Variants in SFMBT1 observed in about 807,000 individuals in gnomAD.
SFMBT1 encodes the protein scm-like with four MBT domains protein 1.
Under a neutral mutation model 108.7 loss-of-function variants are expected in SFMBT1, and 32 were observed. The ratio of observed to expected loss-of-function variants is 0.29; its 90% CI spans 0.22 to 0.40. The LOEUF (loss-of-function observed/expected upper bound fraction) is 0.40. SFMBT1 is among the 10% of genes least tolerant of loss of function. The pLI is 1.00. For synonymous variants in SFMBT1, 348 were observed against 369.5 expected (o/e 0.94, Z 0.67); for missense variants, 816 against 1,059.6 (o/e 0.77, Z 3.19).
chr3:53,012,923 C>A (rs1254502858), intron 1 of SFMBT1, among the ~76,000 whole-genome samples: 43 of 151,576 alleles, frequency 2.8e-4, no homozygotes, highest in Non-Finnish European at 1.5e-5. Flanking sequence ...GCATATTTCA[C>A]CTGCTTTATA....
intron 4 of SFMBT1, among the ~76,000 whole-genome samples, chr3:52,939,948 T>C (rs910527065): frequency 7.0e-4 from 107 of 152,226 alleles, no homozygotes; most frequent in African/African-American, 2.5e-3. Flanking sequence ...TTATTTATAA[T>C]TTTTTTCACT....
chr3:52,920,641 T>A lies in SFMBT1; in HGVS notation c.1268A>T (p.Lys423Met). The A allele has an allele frequency of 6.2e-7, 1 of 1,600,818 alleles. No homozygotes were observed. Among genetic ancestry groups the A allele is most frequent in the Non-Finnish European group, 8.5e-7 (1 of 1,170,106 alleles). Residue 423 changes from lysine (K) to methionine (M), a missense_variant, in exon 12 of 21, where the codon AAG (lysine) becomes ATG (methionine). Lys to Met is a moderately conservative substitution (Grantham distance 95). Around this residue, in one of 5 missense-constraint regions of SFMBT1, gnomAD observed 495 missense variants for 607.4 expected, o/e 0.81. Coordinates refer to ENST00000394752, the MANE Select transcript of SFMBT1 (RefSeq NM_016329.4). ...ACTCACAATACATTCAGGTATAGGC[T>A]TCTTAGAACCTGTTTAGATTTAAAC... ...YLWLQLEGSKKPIPECIVSVE... is the reference protein window; with the variant it reads ...YLWLQLEGSKMPIPECIVSVE...
At chr3:53,015,234 T>C (rs545748562) in intron 1 of SFMBT1, among the ~76,000 whole-genome samples, 1 of 151,742 alleles carries the variant, frequency 6.6e-6, no homozygotes, top group East Asian at 1.9e-4. Flanking sequence ...AAAAAATCAT[T>C]GTATTTTAAT....
chr3:52,916,474 C>T (rs1702360158), intron 13 of SFMBT1, among the ~76,000 whole-genome samples: 1 of 151,166 alleles, frequency 6.6e-6, no homozygotes, highest in Non-Finnish European at 1.5e-5. Context: ...TTGAGACCAT[C>T]CTGGCTAACA....
chr3:52,941,349 T>C (rs1472374530), intron 4 of SFMBT1, among the ~76,000 whole-genome samples: 1 of 152,078 alleles, frequency 6.6e-6, no homozygotes, highest in Non-Finnish European at 1.5e-5. Context: ...ATCCCAGCAC[T>C]TTGGGAGGCA....
chr3:52,910,757 G>C (rs1232394103), intron 17 of SFMBT1, among the ~76,000 whole-genome samples: 1 of 152,144 alleles, frequency 6.6e-6, no homozygotes, highest in Non-Finnish European at 1.5e-5. Context: ...CCAAAGTGCT[G>C]GGATTACAGG....
intron 10 of SFMBT1, 22 bp downstream of exon 10, chr3:52,926,009 A>G (rs774276723): frequency 1.4e-5 from 23 of 1,600,230 alleles, no homozygotes; most frequent in Non-Finnish European, 1.9e-5. Flanking sequence ...CATAGTGGCC[A>G]TGAGGCCGTG....
intron 1 of SFMBT1, among the ~76,000 whole-genome samples, chr3:52,976,987 A>C (rs1187548029): frequency 6.6e-6 from 1 of 152,230 alleles, no homozygotes; most frequent in Non-Finnish European, 1.5e-5. Flanking sequence ...TAGCCCTTTT[A>C]GACAGAAATT....
intron 4 of SFMBT1, among the ~76,000 whole-genome samples, chr3:52,940,976 G>A (rs1436426638): frequency 6.6e-6 from 1 of 152,142 alleles, no homozygotes; most frequent in East Asian, 1.9e-4. Flanking sequence ...CCCAAATTGT[G>A]GGAAATCTGA....
chr3:52,986,919 G>C (rs1267316949), intron 1 of SFMBT1, among the ~76,000 whole-genome samples: 1 of 152,070 alleles, frequency 6.6e-6, no homozygotes, highest in African/African-American at 2.4e-5. Flanking sequence ...CAGTCTGGGC[G>C]AAAGAGTGAG....
rs781234500 is a variant in SFMBT1, at chr3:52,916,185, C to A, written c.1445G>T (p.Gly482Val). 3.2e-5 allele frequency: 51 copies of A among 1,613,892 alleles called. No individual in the cohort carries two copies. The highest frequency in any genetic ancestry group is 4.3e-5 in the Non-Finnish European group (51 of 1,179,998). The change falls in exon 14 of 21, where the codon GGC becomes GTC. Residue 482 changes from glycine (G) to valine (V), a missense_variant. Physicochemically the swap from Gly to Val is moderately radical, Grantham distance 109 (BLOSUM62 -3). Coordinates refer to ENST00000394752, the MANE Select transcript of SFMBT1 (RefSeq NM_016329.4). ...GGAGTTCAGCTCCTGATTCCTCAGGCCCTCGTGGACAGTCCTCGAGGATGG... is the reference window on the plus strand; with the variant it reads ...GGAGTTCAGCTCCTGATTCCTCAGGACCTCGTGGACAGTCCTCGAGGATGG... The part of the protein sequence containing the change: ...QVPSSRTVHE[G>V]LRNQELNSTE...
At chr3:52,962,314 T>G (rs1345255893) in intron 2 of SFMBT1, among the ~76,000 whole-genome samples, 2 of 152,216 alleles carry the variant, frequency 1.3e-5, no homozygotes, top group African/African-American at 2.4e-5. Context: ...CTATTTGTAA[T>G]ACCAAGACTG....
At chr3:52,926,717 G>A (rs1440348803) in intron 9 of SFMBT1, among the ~76,000 whole-genome samples, 2 of 152,030 alleles carry the variant, frequency 1.3e-5, no homozygotes, top group Admixed American at 6.6e-5. Context: ...AGTCTACTGA[G>A]GTTCTTGATG....
intron 3 of SFMBT1, among the ~76,000 whole-genome samples, chr3:52,944,435 C>A (rs190116289): frequency 1.7e-3 from 265 of 152,298 alleles, no homozygotes; most frequent in Middle Eastern, 3.4e-3. Flanking sequence ...ATGTATTTCC[C>A]AACTCTGTGA....
intron 10 of SFMBT1, among the ~76,000 whole-genome samples, chr3:52,924,843 A>G (rs531452330): frequency 6.6e-6 from 1 of 152,368 alleles, no homozygotes; most frequent in Admixed American, 6.5e-5. Context: ...AAGTGTGGAC[A>G]GCAGCAGCAA....
At chr3:52,925,958 C>A in intron 10 of SFMBT1, 73 bp downstream of exon 10, 1 of 1,346,808 alleles carries the variant, frequency 7.4e-7, no homozygotes, top group Non-Finnish European at 1.0e-6. Flanking sequence ...AGAGCAATAA[C>A]ATGGAAAGCA....
chr3:52,965,002 G>A (rs1310581548), intron 2 of SFMBT1, among the ~76,000 whole-genome samples: 1 of 151,986 alleles, frequency 6.6e-6, no homozygotes, highest in African/African-American at 2.4e-5. Flanking sequence ...AGAACCAAAG[G>A]ACTGGCTAAC....
At chr3:52,989,357 A>C (rs2564933) in intron 1 of SFMBT1, among the ~76,000 whole-genome samples, 41,431 of 150,012 alleles carry the variant, frequency 0.28, 6,438 homozygotes, top group East Asian at 0.48. Flanking sequence ...ATGGTGTGTG[A>C]ACCCGGGAGC....
At chr3:53,039,347 A>G (rs928232548) in intron 1 of SFMBT1, among the ~76,000 whole-genome samples, 1 of 145,616 alleles carries the variant, frequency 6.9e-6, no homozygotes, top group African/African-American at 2.5e-5. Flanking sequence ...ATGTTAAGTG[A>G]ATTAAGGCAA....
Sources: allele counts gnomAD v4.1 joint callset (sites outside exome capture counted in the v4.1 genomes callset), GRCh38; gene constraint gnomAD v4.1.1; regional missense constraint gnomAD v4.1.1; transcripts MANE v1.5; gene names NCBI Gene and HGNC (gene_info 2026-07-23, HGNC 2026-07-21).